The following MYO5A variants were observed in gnomAD, a reference collection of about 807,000 sequenced individuals.
The protein encoded by MYO5A is myosin VA.
A neutral mutation model predicts 249.7 loss-of-function variants in MYO5A; 98 were observed. The ratio of observed to expected loss-of-function variants is 0.39; its 90% CI spans 0.33 to 0.46. The LOEUF (loss-of-function observed/expected upper bound fraction) is 0.46. Among genes scored for constraint, MYO5A ranks in the 20% least tolerant of loss-of-function variants. The probability of loss-of-function intolerance (pLI) is 0.98; values close to 1 mark genes in which losing one functional copy is unlikely to be tolerated. For missense variants in MYO5A, 1,696 were observed against 2,308.8 expected, an observed-to-expected ratio of 0.73 and a Z score of 5.44; for synonymous variants, 778 against 810.6, an observed-to-expected ratio of 0.96 and a Z score of 0.68.
chr15:52,398,624 C>T (rs1595597168), intron 9 of MYO5A, among the ~76,000 whole-genome samples: 1 of 152,180 alleles, frequency 6.6e-6, no homozygotes, highest in Non-Finnish European at 1.5e-5. Context: ...TACAAATCAG[C>T]ACCACTGCCT....
Position 52,528,785 on chromosome 15 carries a change from T to C in MYO5A, c.22A>G (p.Thr8Ala). ...CCGGCCGCGGGGTGCCTTACCTTTG[T>C]GTAGAGCTCCGACGCAGCCATGGCG... MAASELY[T>A]KFARVWIPDP... Residue 8 changes from threonine to alanine, a missense_variant, in exon 1 of 42, where the codon ACA becomes GCA. By Grantham distance (58) the Thr-to-Ala change is moderately conservative. Transcript: ENST00000399233. 6.7e-7 allele frequency: 1 copy of C among 1,503,590 alleles called. No individual in the cohort carries two copies. The highest frequency in any genetic ancestry group is 8.8e-7 in the Non-Finnish European group (1 of 1,132,908). The allele number at this position is 1,503,590 out of a possible 1,614,324, so 93.1% of individuals were successfully genotyped here. A position where few individuals can be genotyped will look rare whatever the true frequency, so the allele number is the denominator to read the frequency against.
intron 1 of MYO5A, among the ~76,000 whole-genome samples, chr15:52,514,750 C>G (rs1007025877): frequency 6.6e-6 from 1 of 152,158 alleles, no homozygotes; most frequent in Admixed American, 6.6e-5. Context: ...CAGAATCTTC[C>G]CTTTAACAAG....
chr15:52,382,687 G>A (rs1033320184), intron 16 of MYO5A, among the ~76,000 whole-genome samples: 8 of 152,218 alleles, frequency 5.3e-5, no homozygotes, highest in Non-Finnish European at 7.3e-5. Context: ...AGGTGCTGGT[G>A]AAAACAGACA....
intron 4 of MYO5A, among the ~76,000 whole-genome samples, chr15:52,418,686 C>T (rs889481847): frequency 6.7e-6 from 1 of 149,178 alleles, no homozygotes; most frequent in Non-Finnish European, 1.5e-5. Context: ...TAGAAGCACT[C>T]GAAACCCCAG....
At chr15:52,314,289 T>C in intron 40 of MYO5A, 86 bp from the exon 41 acceptor site, 1 of 996,608 alleles carries the variant, frequency 1.0e-6, no homozygotes, top group Non-Finnish European at 1.6e-6. Flanking sequence ...AAAGGATCTG[T>C]GCGTACAGAT....
chr15:52,376,318 G>T, intron 19 of MYO5A, 29 bp downstream of exon 19: 1 of 1,602,126 alleles, frequency 6.2e-7, no homozygotes, highest in Non-Finnish European at 8.5e-7. Flanking sequence ...AATTAGATGG[G>T]CACTCTACTC....
In MYO5A at chr15:52,352,298, A is replaced by G. The variant is rs1417396639; in HGVS notation, c.3622-817T>C. Among the ~76,000 whole-genome samples the G allele has an allele frequency of 5.3e-5, 8 of 152,264 alleles. No homozygotes were observed. The South Asian group carries it at 6.2e-4, about 12-fold the overall frequency. ...CCACCGACACTAGCACACAAGTGTC[A>G]CAAGATACTGGTTGGGAAACACAGA... is the stretch of plus-strand genomic sequence containing the variant. On this transcript the variant is annotated intron_variant, in intron 27 of 41. Coordinates refer to ENST00000399233, the MANE Select transcript of MYO5A (RefSeq NM_001382347.1).
chr15:52,399,233 T>C (rs1002779981), intron 9 of MYO5A, among the ~76,000 whole-genome samples: 5 of 152,326 alleles, frequency 3.3e-5, no homozygotes, highest in African/African-American at 4.8e-5. Flanking sequence ...ATTTTTGCTA[T>C]ATATCTTTCG....
chr15:52,392,221 TA>T, intron 11 of MYO5A, 151 bp from the exon 12 acceptor site: 1 of 751,446 alleles, frequency 1.3e-6, no homozygotes, highest in Non-Finnish European at 2.2e-6. Flanking sequence ...AGAAAGCAAA[TA>T]AAACAACAGG....
At chr15:52,406,808 T>G (rs928283449) in intron 8 of MYO5A, among the ~76,000 whole-genome samples, 1 of 152,166 alleles carries the variant, frequency 6.6e-6, no homozygotes, top group African/African-American at 2.4e-5. Flanking sequence ...AATGGAATAT[T>G]CTGTCATGAT....
Position 52,313,703 on chromosome 15 carries a change from C to G in MYO5A, c.5636G>C (p.Arg1879Pro), listed in dbSNP as rs202015955. The G allele has an allele frequency of 6.2e-6, 10 of 1,614,072 alleles. No individual in the cohort carries two copies. In the Admixed American group the frequency reaches 1.3e-4, roughly 22 times the overall value. Residue 1879 changes from arginine to proline, a missense_variant, in exon 42 of 42, where the codon CGG becomes CCG. Arg to Pro is a moderately radical substitution (Grantham distance 103). Transcript: ENST00000399233. ...TTTGCCTGGACATCACTTTCAGACCCGTGAAATGAAGCCCAGGCCGAGGCT... is the reference window on the plus strand; with the variant it reads ...TTTGCCTGGACATCACTTTCAGACCGGTGAAATGAAGCCCAGGCCGAGGCT... ...PASLGLGFIS[R>P]V is the part of the protein sequence containing the mutation.
intron 1 of MYO5A, among the ~76,000 whole-genome samples, chr15:52,463,250 G>A (rs2076288423): frequency 6.6e-6 from 1 of 152,246 alleles, no homozygotes; most frequent in South Asian, 2.1e-4. Flanking sequence ...CGGCATCCTG[G>A]CAGTGACTTG....
chr15:52,487,909 C>T (rs2076857539), intron 1 of MYO5A, among the ~76,000 whole-genome samples: 1 of 151,992 alleles, frequency 6.6e-6, no homozygotes, highest in African/African-American at 2.4e-5. Flanking sequence ...ATGACCTATC[C>T]ACCAAGAGCC....
chr15:52,495,035 G>GAT lies in MYO5A; in HGVS notation c.27+33743_27+33744dup, dbSNP rs201517111. Reference sequence around the variant, plus strand: ...GCTAGCATTCATTCTTGAGATATATGATATATATATATCCATATTTTTTGA... The same window carrying GAT: ...GCTAGCATTCATTCTTGAGATATATGATATATATATATATCCATATTTTTTGA... On this transcript the variant is annotated intron_variant, in intron 1 of 41. Coordinates refer to ENST00000399233, the MANE Select transcript of MYO5A (RefSeq NM_001382347.1). 1.7e-3 allele frequency among the ~76,000 whole-genome samples: 252 copies of GAT among 151,768 alleles called. 1 individual carries two copies. Among genetic ancestry groups the GAT allele is most frequent in the Non-Finnish European group, 2.5e-3 (171 of 67,896 alleles).
chr15:52,319,651 A>T (rs1286113575), intron 38 of MYO5A, among the ~76,000 whole-genome samples: 1 of 152,132 alleles, frequency 6.6e-6, no homozygotes, highest in African/African-American at 2.4e-5. Context: ...CAATCACTTG[A>T]ACTTGGGAGG....
intron 1 of MYO5A, among the ~76,000 whole-genome samples, chr15:52,510,019 C>T (rs1382770547): frequency 1.3e-5 from 2 of 152,200 alleles, no homozygotes; most frequent in African/African-American, 4.8e-5. Context: ...TCAGCTCCAG[C>T]TGCATCTGAT....
intron 5 of MYO5A, among the ~76,000 whole-genome samples, chr15:52,411,828 C>T (rs905159600): frequency 2.0e-5 from 3 of 152,100 alleles, no homozygotes; most frequent in Non-Finnish European, 4.4e-5. Flanking sequence ...AGAGTGTAGA[C>T]ATCCTATTTT....
intron 1 of MYO5A, among the ~76,000 whole-genome samples, chr15:52,459,856 G>A (rs1389920955): frequency 6.6e-6 from 1 of 151,608 alleles, no homozygotes; most frequent in Non-Finnish European, 1.5e-5. Flanking sequence ...CAGATGGGGT[G>A]GCGGCCAGGC....
At chr15:52,453,697 AG>A (rs953846711) in intron 1 of MYO5A, among the ~76,000 whole-genome samples, 2 of 152,172 alleles carry the variant, frequency 1.3e-5, no homozygotes, top group African/African-American at 4.8e-5. Context: ...GTGAAAACGT[AG>A]GGGGAATGGA....
Sources: gnomAD v4.1 joint callset for allele counts (sites outside exome capture counted in the v4.1 genomes callset) on GRCh38, gnomAD v4.1.1 for gene constraint, MANE v1.5 for transcripts, NCBI Gene and HGNC (gene_info 2026-07-23, HGNC 2026-07-21) for gene names.